LSAMP: variants seen among roughly 807,000 people sequenced by gnomAD.
The protein encoded by LSAMP is limbic system-associated membrane protein.
LSAMP carries 7 observed loss-of-function variants against 38.6 expected under a neutral mutation model. The ratio of observed to expected loss-of-function variants is 0.18; its 90% confidence interval spans 0.10 to 0.34. The LOEUF (loss-of-function observed/expected upper bound fraction) is 0.34. LSAMP is among the 10% of genes least tolerant of loss of function. LSAMP has a pLI of 1.00. For synonymous variants in LSAMP, 154 were observed against 166.8 expected (o/e 0.92, Z 0.59); for missense variants, 313 against 420.0 (o/e 0.75, Z 2.23).
intron 1 of LSAMP, among the ~76,000 whole-genome samples, chr3:116,112,736 G>C (rs1411075119): frequency 6.6e-6 from 1 of 152,128 alleles, no homozygotes; most frequent in Non-Finnish European, 1.5e-5. Context: ...GAACGAGTTT[G>C]GTATGAAAAT....
intron 1 of LSAMP, among the ~76,000 whole-genome samples, chr3:116,109,542 C>T (rs1353589346): frequency 3.9e-5 from 6 of 152,114 alleles, no homozygotes; most frequent in South Asian, 2.1e-4. Context: ...CGTCAGGCAC[C>T]TCAGACCATT....
chr3:116,319,815 T>TA (rs201906739), intron 1 of LSAMP, among the ~76,000 whole-genome samples: 11,325 of 151,486 alleles, frequency 0.075, 453 homozygotes, highest in African/African-American at 0.1. Context: ...TTTTTTTTTT[T>TA]AATAAAAATG....
intron 2 of LSAMP, among the ~76,000 whole-genome samples, chr3:116,034,962 G>C (rs960395984): frequency 1.3e-5 from 2 of 152,176 alleles, no homozygotes; most frequent in Non-Finnish European, 2.9e-5. Flanking sequence ...TCATGAAGCT[G>C]CACAACACAT....
chr3:116,131,192 T>C (rs1463731419), intron 1 of LSAMP, among the ~76,000 whole-genome samples: 1 of 151,832 alleles, frequency 6.6e-6, no homozygotes, highest in Non-Finnish European at 1.5e-5. Flanking sequence ...AGGGTTTCAC[T>C]GTATTAGCCA....
intron 3 of LSAMP, among the ~76,000 whole-genome samples, chr3:115,905,578 A>G (rs990167578): frequency 1.3e-5 from 2 of 152,080 alleles, no homozygotes; most frequent in African/African-American, 4.8e-5. Context: ...TTTAATATAA[A>G]TTGATCCTTT....
intron 1 of LSAMP, among the ~76,000 whole-genome samples, chr3:116,150,744 C>T (rs1186869167): frequency 6.6e-6 from 1 of 151,860 alleles, no homozygotes; most frequent in Non-Finnish European, 1.5e-5. Flanking sequence ...AGAGGACAAG[C>T]AGTTTTAACT....
At chr3:116,087,059 G>T (rs1708007348) in intron 1 of LSAMP, among the ~76,000 whole-genome samples, 1 of 152,130 alleles carries the variant, frequency 6.6e-6, no homozygotes, top group Non-Finnish European at 1.5e-5. Context: ...TTACAAGTTT[G>T]GGATGCCACT....
intron 6 of LSAMP, among the ~76,000 whole-genome samples, chr3:115,815,586 C>A (rs866633867): frequency 3.3e-5 from 5 of 152,074 alleles, no homozygotes; most frequent in Non-Finnish European, 7.4e-5. Flanking sequence ...AATTTTAGTC[C>A]AATACGTAGA....
chr3:115,944,990 C>T lies in LSAMP; in HGVS notation c.514+74525G>A, dbSNP rs1305874568. On this transcript the variant is annotated intron_variant, in intron 3 of 6. Coordinates refer to ENST00000490035, the MANE Select transcript of LSAMP (RefSeq NM_002338.5). Reference sequence around the variant, plus strand: ...GTTGCTTCAAGGCTGATATTAAGTACCATTTTTTTTCTAGGAAGCTTATTC... The same window carrying T: ...GTTGCTTCAAGGCTGATATTAAGTATCATTTTTTTTCTAGGAAGCTTATTC... 2.0e-5 allele frequency among the ~76,000 whole-genome samples: 3 copies of T among 152,178 alleles called. No homozygotes were observed. The South Asian group carries it at 6.2e-4, about 32-fold the overall frequency.
chr3:115,811,368 G>A (rs1217359027), intron 6 of LSAMP, among the ~76,000 whole-genome samples: 7 of 152,124 alleles, frequency 4.6e-5, no homozygotes, highest in African/African-American at 1.7e-4. Context: ...TCTCTGCTTT[G>A]CTTGTTCCAT....
chr3:115,980,041 A>G (rs1260372199), intron 3 of LSAMP, among the ~76,000 whole-genome samples: 6 of 152,120 alleles, frequency 3.9e-5, no homozygotes, highest in Admixed American at 3.9e-4. Context: ...TAAGATTAGT[A>G]CATGCAATTC....
intron 2 of LSAMP, among the ~76,000 whole-genome samples, chr3:116,028,385 C>T (rs1211084333): frequency 6.6e-6 from 1 of 152,122 alleles, no homozygotes; most frequent in Non-Finnish European, 1.5e-5. Flanking sequence ...GATTTGTGAT[C>T]CTGCCCAGCC....
At chr3:116,194,961 C>T (rs1291601616) in intron 1 of LSAMP, among the ~76,000 whole-genome samples, 1 of 152,140 alleles carries the variant, frequency 6.6e-6, no homozygotes, top group Non-Finnish European at 1.5e-5. Context: ...TCATTCTTTC[C>T]CTTCTTTTCT....
intron 1 of LSAMP, among the ~76,000 whole-genome samples, chr3:116,227,868 T>C (rs1456938643): frequency 6.6e-6 from 1 of 152,124 alleles, no homozygotes; most frequent in Non-Finnish European, 1.5e-5. Context: ...AGAAATTCAG[T>C]CAGACTGATA....
chr3:115,931,421 T>A (rs1238484711), intron 3 of LSAMP, among the ~76,000 whole-genome samples: 6 of 152,152 alleles, frequency 3.9e-5, no homozygotes, highest in Non-Finnish European at 5.9e-5. Flanking sequence ...ATTTCTCTAA[T>A]GAGATTGTTC....
intron 1 of LSAMP, among the ~76,000 whole-genome samples, chr3:116,402,025 C>T (rs2048847553): frequency 6.6e-6 from 1 of 152,160 alleles, no homozygotes; most frequent in Admixed American, 6.5e-5. Context: ...CTTCCATTAT[C>T]CAACATAGCA....
chr3:115,810,873 G>A (rs1327233525), intron 6 of LSAMP, among the ~76,000 whole-genome samples: 6 of 152,104 alleles, frequency 3.9e-5, no homozygotes, highest in Non-Finnish European at 7.4e-5. Context: ...ACCAATCCAC[G>A]ACTCCCTCTG....
chr3:116,267,501 A>G (rs1219981802), intron 1 of LSAMP, among the ~76,000 whole-genome samples: 5 of 151,790 alleles, frequency 3.3e-5, no homozygotes, highest in Admixed American at 6.6e-5. Context: ...ATGAACTGAC[A>G]GGAGGAAAGC....
intron 3 of LSAMP, among the ~76,000 whole-genome samples, chr3:115,900,077 T>A (rs1936835663): frequency 1.3e-5 from 2 of 152,212 alleles, no homozygotes; most frequent in South Asian, 4.1e-4. Context: ...TTTAGGATAT[T>A]TGTTTCTTTA....
Sources: gnomAD v4.1 joint callset for allele counts (sites outside exome capture counted in the v4.1 genomes callset) on GRCh38, gnomAD v4.1.1 for gene constraint, MANE v1.5 for transcripts, NCBI Gene and HGNC (gene_info 2026-07-23, HGNC 2026-07-21) for gene names.